CYP51A1: variants seen among roughly 807,000 people sequenced by gnomAD.
The protein encoded by CYP51A1 is lanosterol 14-alpha demethylase.
CYP51A1 carries 45 observed loss-of-function variants against 53.5 expected under a neutral mutation model. The ratio of observed to expected loss-of-function variants is 0.84; its 90% CI spans 0.66 to 1.08. The LOEUF (loss-of-function observed/expected upper bound fraction) is 1.08, where lower values mean the gene tolerates loss of function less well. CYP51A1 is among the 50% of genes least tolerant of loss of function. The pLI is 0.00. For synonymous variants in CYP51A1, 181 were observed against 217.7 expected, an observed-to-expected ratio of 0.83 and a Z score of 1.48; for missense variants, 462 against 621.7, an observed-to-expected ratio of 0.74 and a Z score of 2.73.
intron 1 of CYP51A1, among the ~76,000 whole-genome samples, chr7:92,133,364 C>T (rs1278798991): frequency 6.6e-6 from 1 of 151,880 alleles, no homozygotes; most frequent in African/African-American, 2.4e-5. Context: ...AAGTGATTCT[C>T]GGGCCTCAGC....
intron 7 of CYP51A1, among the ~76,000 whole-genome samples, chr7:92,121,849 G>GCT (rs752213728): frequency 1.2e-4 from 19 of 152,178 alleles, no homozygotes; most frequent in Non-Finnish European, 2.4e-4. Flanking sequence ...ATGGGTACCA[G>GCT]CTCTCTTTTG....
In CYP51A1 at chr7:92,134,197, G is replaced by A. The variant is rs1283391141; in HGVS notation, c.168C>T (p.His56=). Residue 56 remains histidine (H), a synonymous_variant, in exon 1 of 10, where the codon CAC becomes CAT. Transcript: ENST00000003100. The part of the protein sequence containing the change: ...LVYLIRLAAG[H]LVQLPAGVKS... Reference sequence around the variant, plus strand: ...CCACCCCTGCGGGCAGCTGGACCAGGTGGCCGGCGGCCAGACGGATCAGGT... The same window carrying A: ...CCACCCCTGCGGGCAGCTGGACCAGATGGCCGGCGGCCAGACGGATCAGGT... 2 of 1,612,418 alleles carry A rather than the reference G, an allele frequency of 1.2e-6. No individual in the cohort carries two copies. The highest frequency in any genetic ancestry group is 2.2e-5 in the South Asian group (2 of 91,022).
Position 92,113,118 on chromosome 7 carries a change from A to G in CYP51A1, c.*547T>C, listed in dbSNP as rs1454617015. 6.6e-6 allele frequency: 1 copy of G among 152,154 alleles called. No individual in the cohort carries two copies. The highest frequency in any genetic ancestry group is 1.5e-5 in the Non-Finnish European group (1 of 68,052). The allele number at this position is 152,154 out of a possible 1,614,324, so 9.4% of individuals were successfully genotyped here. On this transcript the variant is annotated 3_prime_UTR_variant, in exon 10 of 10. Coordinates refer to ENST00000003100, the MANE Select transcript of CYP51A1 (RefSeq NM_000786.4). ...ATTCCAAAGGATTTCTTTTTCCTAT[A>G]ATATCTCCATTTCTGAGTATCATCA...
chr7:92,129,109 G>T, intron 2 of CYP51A1, 53 bp from the exon 3 acceptor site: 1 of 1,107,772 alleles, frequency 9.0e-7, no homozygotes, highest in Non-Finnish European at 1.3e-6. Context: ...GCAACACTAC[G>T]ACAGTAACTT....
rs1050239367 is a variant in CYP51A1, at chr7:92,112,951, GTAAA to G, written c.*710_*713del. On this transcript the variant is annotated 3_prime_UTR_variant, in exon 10 of 10. Coordinates refer to ENST00000003100, the MANE Select transcript of CYP51A1 (RefSeq NM_000786.4). ...GTAGAACTAGATACATATTTATCAG[GTAAA>G]TAAATATGTAATTATTTAGTAATTA... The G allele has an allele frequency of 1.3e-5, 2 of 151,882 alleles. No individual in the cohort carries two copies. The highest frequency in any genetic ancestry group is 2.9e-5 in the Non-Finnish European group (2 of 67,986). The allele number at this position is 151,882 out of a possible 1,614,324, so 9.4% of individuals were successfully genotyped here.
rs1328030760 is a variant in CYP51A1 at position 92,129,004 on chromosome 7, A to C, written c.344T>G (p.Leu115Arg). The change falls in exon 3 of 10, where the codon CTG becomes CGG. Residue 115 changes from leucine (L) to arginine (R), a missense_variant. By Grantham distance (102) the Leu-to-Arg change is moderately radical (BLOSUM62 -2). Coordinates refer to ENST00000003100, the MANE Select transcript of CYP51A1 (RefSeq NM_000786.4). ...AAGCAGTGCAGCAGCATCACTCCCC[A>C]GAAGGTAAGTAAATGTCTTGCCTAC... ...TMVGKTFTYL[L>R]GSDAAALLFN... is the part of the protein sequence containing the mutation. The C allele has an allele frequency of 1.9e-6, 3 of 1,613,848 alleles. No individual in the cohort carries two copies. In the African/African-American group the frequency reaches 4.0e-5, roughly 22 times the overall value.
rs1311710821 is a variant in CYP51A1, at chr7:92,123,766, G to A, written c.858C>T (p.Asp286=). The stretch of plus-strand genomic sequence containing the variant: ...TAGCATCTAGTAAAGTTTGGAGAAT[G>A]TCATCAATTTTTTCTTGAGACTGTC... ...KRRQSQEKID[D]ILQTLLDATY... Residue 286 remains aspartate, a synonymous_variant, in exon 6 of 10, where the codon GAC becomes GAT. Coordinates refer to ENST00000003100, the MANE Select transcript of CYP51A1 (RefSeq NM_000786.4). The A allele has an allele frequency of 1.2e-6, 2 of 1,608,318 alleles. No individual in the cohort carries two copies. Among genetic ancestry groups the A allele is most frequent in the Admixed American group, 1.7e-5 (1 of 59,484 alleles).
intron 5 of CYP51A1, 46 bp from the exon 6 acceptor site, chr7:92,123,899 C>T (rs2130949646): frequency 1.4e-6 from 2 of 1,464,854 alleles, no homozygotes; most frequent in African/African-American, 1.5e-5. Flanking sequence ...AAGAAATAAC[C>T]TTCTAGGATC....
intron 9 of CYP51A1, among the ~76,000 whole-genome samples, chr7:92,116,152 ATC>A: frequency 6.6e-6 from 1 of 152,200 alleles, no homozygotes; most frequent in Non-Finnish European, 1.5e-5. Flanking sequence ...CACACCTGTA[ATC>A]CCAGCTACTC....
intron 7 of CYP51A1, among the ~76,000 whole-genome samples, chr7:92,120,630 G>A (rs1387016977): frequency 6.6e-6 from 1 of 152,076 alleles, no homozygotes; most frequent in East Asian, 1.9e-4. Flanking sequence ...GGAAAAAATA[G>A]TCTTTTCAAC....
At chr7:92,130,070 A>C (rs1297650191) in intron 2 of CYP51A1, among the ~76,000 whole-genome samples, 1 of 152,218 alleles carries the variant, frequency 6.6e-6, no homozygotes, top group Non-Finnish European at 1.5e-5. Flanking sequence ...ACACTGAGAA[A>C]ACAAATAAAA....
At chr7:92,126,566 T>A in intron 4 of CYP51A1, 139 bp from the exon 5 acceptor site, 1 of 701,632 alleles carries the variant, frequency 1.4e-6, no homozygotes, top group Non-Finnish European at 2.3e-6. Flanking sequence ...TGTGACTATG[T>A]ACAACAACAA....
Position 92,128,323 on chromosome 7 carries a change from A to G in CYP51A1, c.468+557T>C, listed in dbSNP as rs565968587. ...ACAGCAAATATAAAACTAAATACCCATTACTTATCAGTTATCCATGGCCTT... is the reference window on the plus strand; with the variant it reads ...ACAGCAAATATAAAACTAAATACCCGTTACTTATCAGTTATCCATGGCCTT... On this transcript the variant is annotated intron_variant, in intron 3 of 9. Transcript: ENST00000003100. 2.0e-5 allele frequency among the ~76,000 whole-genome samples: 3 copies of G among 152,082 alleles called. No individual in the cohort carries two copies. The East Asian group carries it at 5.8e-4, about 29-fold the overall frequency.
intron 5 of CYP51A1, among the ~76,000 whole-genome samples, chr7:92,124,297 T>C (rs1460195655): frequency 6.6e-6 from 1 of 152,208 alleles, no homozygotes; most frequent in Non-Finnish European, 1.5e-5. Context: ...CACTTTCTAA[T>C]ACAATAGTTT....
At position 92,123,653 on chromosome 7, in the gene CYP51A1, T is replaced by C. The variant is rs954087015; in HGVS notation, c.890+81A>G. 6 of 1,375,420 alleles carry C rather than the reference T, an allele frequency of 4.4e-6. No homozygotes were observed. In the South Asian group the frequency reaches 7.2e-5, roughly 16 times the overall value. 85.2% of individuals were successfully genotyped at this position (1,375,420 alleles called of 1,614,324 possible). ...ACTTATTTTGCCAGCATCACTGTTT[T>C]TTAACTGGAAATACTATTTAACTGT... On this transcript the variant is annotated intron_variant, in intron 6 of 9. Transcript: ENST00000003100.
intron 7 of CYP51A1, among the ~76,000 whole-genome samples, chr7:92,122,013 G>A (rs1471704561): frequency 6.6e-6 from 1 of 152,118 alleles, no homozygotes; most frequent in Non-Finnish European, 1.5e-5. Flanking sequence ...AAACAAGAAT[G>A]AGTGTTGAGA....
chr7:92,119,041 T>C (rs1002304216), intron 7 of CYP51A1, among the ~76,000 whole-genome samples: 1 of 152,208 alleles, frequency 6.6e-6, no homozygotes, highest in Non-Finnish European at 1.5e-5. Flanking sequence ...CCCAAATCCA[T>C]GGTAGCCCCG....
At chr7:92,129,552 T>C (rs557746776) in intron 2 of CYP51A1, among the ~76,000 whole-genome samples, 1 of 152,334 alleles carries the variant, frequency 6.6e-6, no homozygotes, top group African/African-American at 2.4e-5. Flanking sequence ...TTTAGCACTA[T>C]CTCACCTACA....
intron 1 of CYP51A1, among the ~76,000 whole-genome samples, chr7:92,133,238 C>G (rs540162698): frequency 9.1e-4 from 137 of 151,216 alleles, no homozygotes; most frequent in African/African-American, 3.2e-3. Flanking sequence ...GTTAATAAGG[C>G]TGTTAAATTG....
Sources: allele counts gnomAD v4.1 joint callset (sites outside exome capture counted in the v4.1 genomes callset), GRCh38; gene constraint gnomAD v4.1.1; transcripts MANE v1.5; gene names NCBI Gene and HGNC (gene_info 2026-07-23, HGNC 2026-07-21).